TPRG1: variants seen among roughly 807,000 people sequenced by gnomAD.
TPRG1 encodes the protein tumor protein p63-regulated gene 1 protein.
TPRG1 carries 29 observed loss-of-function variants against 29.3 expected under a neutral mutation model. The ratio of observed to expected loss-of-function variants is 0.99; its 90% CI spans 0.74 to 1.35. The LOEUF (loss-of-function observed/expected upper bound fraction) is 1.35. Among genes scored for constraint, TPRG1 ranks in the 40% most tolerant of loss-of-function variants. The pLI, the probability that TPRG1 is intolerant of heterozygous loss-of-function variation, is 0.00. For synonymous variants in TPRG1, 130 were observed against 116.8 expected, an observed-to-expected ratio of 1.11 and a Z score of -0.73; for missense variants, 327 against 335.0, an observed-to-expected ratio of 0.98 and a Z score of 0.19.
chr3:188,999,296 C>T (rs1471836688), intron 1 of TPRG1, among the ~76,000 whole-genome samples: 1 of 152,134 alleles, frequency 6.6e-6, no homozygotes, highest in African/African-American at 2.4e-5. Flanking sequence ...AAAGAGAAGT[C>T]TCCTTGACTT....
intron 3 of TPRG1, among the ~76,000 whole-genome samples, chr3:189,142,548 AT>A (rs1384437893): frequency 6.6e-6 from 1 of 152,050 alleles, no homozygotes; most frequent in Non-Finnish European, 1.5e-5. Flanking sequence ...TCATTTTGCC[AT>A]TCTCTGATTC....
At chr3:189,243,296 A>G (rs998848347) in intron 4 of TPRG1, among the ~76,000 whole-genome samples, 1 of 152,298 alleles carries the variant, frequency 6.6e-6, no homozygotes, top group East Asian at 1.9e-4. Context: ...TTGTGAGGAC[A>G]ATACAAAGAG....
chr3:189,097,448 CTT>C (rs1469658699), upstream of TPRG1, among the ~76,000 whole-genome samples: 3 of 152,270 alleles, frequency 2.0e-5, no homozygotes, highest in African/African-American at 7.2e-5. Flanking sequence ...AAGCAATTGA[CTT>C]AGTTTATATC....
intron 3 of TPRG1, among the ~76,000 whole-genome samples, chr3:189,134,397 G>A (rs1375913216): frequency 6.9e-6 from 1 of 145,402 alleles, no homozygotes; most frequent in Non-Finnish European, 1.5e-5. Context: ...AAGCAGTGGG[G>A]GTATCCTTTT....
intron 4 of TPRG1, among the ~76,000 whole-genome samples, chr3:189,088,454 C>T (rs140267045): frequency 1.4e-3 from 211 of 152,272 alleles, no homozygotes; most frequent in African/African-American, 4.9e-3. Context: ...CAAACAGGGA[C>T]AATTTGACTT....
At chr3:189,157,884 G>A (rs944134687) in intron 5 of TPRG1, among the ~76,000 whole-genome samples, 3 of 152,160 alleles carry the variant, frequency 2.0e-5, no homozygotes, top group Admixed American at 1.3e-4. Context: ...CTGTCTGATA[G>A]CACAAGACTG....
chr3:189,240,476 A>AAATTAC (rs1490721539), intron 4 of TPRG1: 42 of 152,544 alleles, frequency 2.8e-4, no homozygotes, highest in African/African-American at 9.9e-4. Context: ...TTTACAAAAG[A>AAATTAC]AAAAGATTTA....
chr3:189,306,788 A>G (rs1271664596), intron 4 of TPRG1, among the ~76,000 whole-genome samples: 2 of 152,296 alleles, frequency 1.3e-5, no homozygotes, highest in East Asian at 1.9e-4. Flanking sequence ...TACAGAAACA[A>G]AACTTTTTAT....
At chr3:189,027,815 G>T (rs910271633) in intron 4 of TPRG1, among the ~76,000 whole-genome samples, 3 of 152,130 alleles carry the variant, frequency 2.0e-5, no homozygotes, top group Admixed American at 6.5e-5. Context: ...CCAGATGGAA[G>T]TGTGTTGGAA....
intron 4 of TPRG1, among the ~76,000 whole-genome samples, chr3:189,025,310 C>T (rs1713598727): frequency 6.6e-6 from 1 of 152,148 alleles, no homozygotes; most frequent in Non-Finnish European, 1.5e-5. Flanking sequence ...CTCACTGCCT[C>T]CCTTGGCTTG....
chr3:189,246,130 T>C (rs983466565), intron 4 of TPRG1, among the ~76,000 whole-genome samples: 2 of 152,122 alleles, frequency 1.3e-5, no homozygotes, highest in Admixed American at 6.6e-5. Context: ...ATTTTTCCCA[T>C]GTTTTTCTCT....
chr3:189,042,232 C>T (rs1035508005), intron 4 of TPRG1, among the ~76,000 whole-genome samples: 1 of 152,022 alleles, frequency 6.6e-6, no homozygotes, highest in Non-Finnish European at 1.5e-5. Flanking sequence ...ATAATGACAA[C>T]CTTAACGTCC....
At position 189,212,567 on chromosome 3, in the gene TPRG1, A is replaced by AT. The variant is rs5855243; in HGVS notation, c.211-2714dup. Among the ~76,000 whole-genome samples, 29 of 150,512 alleles carry AT rather than the reference A, an allele frequency of 1.9e-4. 1 individual carries two copies. The highest frequency in any genetic ancestry group is 1.3e-3 in the South Asian group (6 of 4,746). ...TCCTGTGAAGATTGTAAAAAAGATG[A>AT]TTTTTTTTTTTCTTTATGAGAGCAG... On this transcript the variant is annotated intron_variant, in intron 2 of 5. Coordinates refer to ENST00000345063, the MANE Select transcript of TPRG1 (RefSeq NM_198485.4).
chr3:189,115,754 T>C (rs1721090061), intron 1 of TPRG1, among the ~76,000 whole-genome samples: 1 of 152,232 alleles, frequency 6.6e-6, no homozygotes, highest in Non-Finnish European at 1.5e-5. Context: ...CTTTATCTTG[T>C]TTGGAATTGC....
rs762355579 is a variant in TPRG1 at position 189,002,549 on chromosome 3, G to A, written c.-878+1638G>A. On this transcript the variant is annotated intron_variant, in intron 2 of 10. Transcript: ENST00000433971. Reference sequence around the variant, plus strand: ...GGCCATTGGACAGATTCCATATAGCGTATGAATTCACAGAGTTGGAAGAAC... The same window carrying A: ...GGCCATTGGACAGATTCCATATAGCATATGAATTCACAGAGTTGGAAGAAC... Among the ~76,000 whole-genome samples the A allele has an allele frequency of 2.6e-5, 4 of 152,070 alleles. No individual in the cohort carries two copies. The East Asian group carries it at 7.7e-4, about 29-fold the overall frequency.
intron 1 of TPRG1, among the ~76,000 whole-genome samples, chr3:189,202,265 C>T (rs1733622518): frequency 6.6e-6 from 1 of 152,116 alleles, no homozygotes; most frequent in Admixed American, 6.5e-5. Flanking sequence ...TGTGGTGGAG[C>T]AGAATCCTCG....
intron 4 of TPRG1, among the ~76,000 whole-genome samples, chr3:189,299,019 T>G (rs1720397128): frequency 6.6e-6 from 1 of 151,924 alleles, no homozygotes; most frequent in Non-Finnish European, 1.5e-5. Flanking sequence ...CCAACCTCTC[T>G]TGAGAGGAAA....
At position 189,214,167 on chromosome 3, in the gene TPRG1, A is replaced by G. The variant is rs949672139; in HGVS notation, c.211-1125A>G. Among the ~76,000 whole-genome samples, 3 of 152,212 alleles carry G rather than the reference A, an allele frequency of 2.0e-5. No homozygotes were observed. The East Asian group carries it at 5.8e-4, about 29-fold the overall frequency. ...ATTCTACATGATTATACTCATCTTC[A>G]CATATCCTTGGCAAAGTGCCTGGCA... On this transcript the variant is annotated intron_variant, in intron 2 of 5. Coordinates refer to ENST00000345063, the MANE Select transcript of TPRG1 (RefSeq NM_198485.4).
rs142972898 is a variant in TPRG1 at position 189,056,256 on chromosome 3, C to T, written c.-463+32310C>T. 7.3e-3 allele frequency among the ~76,000 whole-genome samples: 1,107 copies of T among 152,122 alleles called. 14 individuals carry two copies. Among genetic ancestry groups the T allele is most frequent in the African/African-American group, 0.025 (1,031 of 41,492 alleles). The stretch of plus-strand genomic sequence containing the variant: ...GATTACAGGCACATGCCATCATGCC[C>T]AGCTAATTTTTGTATTTTCAGTAGA... On this transcript the variant is annotated intron_variant, in intron 4 of 10. Coordinates refer to the TPRG1 transcript ENST00000433971.
Sources: gnomAD v4.1 joint callset for allele counts (sites outside exome capture counted in the v4.1 genomes callset) on GRCh38, gnomAD v4.1.1 for gene constraint, MANE v1.5 for transcripts, NCBI Gene and HGNC (gene_info 2026-07-23, HGNC 2026-07-21) for gene names.